VKORC1L1: variants seen among roughly 807,000 people sequenced by gnomAD.
The protein encoded by VKORC1L1 is vitamin K epoxide reductase complex subunit 1-like protein 1.
VKORC1L1 carries 2 observed loss-of-function variants against 18.9 expected under a neutral mutation model. The observed-to-expected ratio is 0.11, with a 90% CI of 0.04 to 0.33. VKORC1L1 has a LOEUF of 0.33. Ranked by LOEUF, VKORC1L1 falls within the 10% of genes least tolerant of loss-of-function variation. The pLI is 1.00. For missense variants in VKORC1L1, 123 were observed against 224.1 expected (o/e 0.55, Z 2.88); for synonymous variants, 96 against 100.0 (o/e 0.96, Z 0.24).
chr7:65,958,801 G>A lies in VKORC1L1; in HGVS notation c.*4501G>A, dbSNP rs1250244441. On this transcript the variant is annotated 3_prime_UTR_variant, in exon 3 of 3. Coordinates refer to ENST00000360768, the MANE Select transcript of VKORC1L1 (RefSeq NM_173517.6). The stretch of plus-strand genomic sequence containing the variant: ...ATTGTCAAGAATTAATGACAAAAAT[G>A]TGTCACTGCCTACAGTTCTGTGAAC... The A allele has an allele frequency of 6.6e-6, 1 of 152,010 alleles. No individual in the cohort carries two copies. The highest frequency in any genetic ancestry group is 1.5e-5 in the Non-Finnish European group (1 of 67,922). 9.4% of individuals were successfully genotyped at this position (152,010 alleles called of 1,614,324 possible).
chr7:65,868,067 A>G, the VKORC1L1 span, among the ~76,000 whole-genome samples: 2 of 152,082 alleles, frequency 1.3e-5, no homozygotes, highest in Non-Finnish European at 2.9e-5. Context: ...GGCTGGTCTC[A>G]AACTCCTGAC....
chr7:65,941,557 A>G (rs1790033079), intron 1 of VKORC1L1, among the ~76,000 whole-genome samples: 1 of 152,022 alleles, frequency 6.6e-6, no homozygotes, highest in Non-Finnish European at 1.5e-5. Flanking sequence ...TGTTAATATA[A>G]TATTTTTTAG....
At chr7:65,868,194 AC>A (rs1788685868), upstream of VKORC1L1, among the ~76,000 whole-genome samples, 1 of 152,116 alleles carries the variant, frequency 6.6e-6, no homozygotes, top group Admixed American at 6.6e-5. Flanking sequence ...GATGGCTCGC[AC>A]CTGTAACCTT....
At chr7:65,902,530 C>G (rs1789335483) in intron 1 of VKORC1L1, among the ~76,000 whole-genome samples, 1 of 151,828 alleles carries the variant, frequency 6.6e-6, no homozygotes, top group Admixed American at 6.6e-5. Flanking sequence ...AATAGTCTAA[C>G]ATATGTGTAA....
At chr7:65,908,026 ACACAGAGGC>A (rs1196690034) in intron 1 of VKORC1L1, among the ~76,000 whole-genome samples, 2 of 152,214 alleles carry the variant, frequency 1.3e-5, no homozygotes, top group African/African-American at 4.8e-5. Flanking sequence ...CTCCTTTGAT[ACACAGAGGC>A]CACAACTGCT....
At chr7:65,904,492 AC>A (rs1212793043) in intron 1 of VKORC1L1, among the ~76,000 whole-genome samples, 1 of 152,186 alleles carries the variant, frequency 6.6e-6, no homozygotes, top group Non-Finnish European at 1.5e-5. Flanking sequence ...GGCGTGAGCT[AC>A]CGTGCCTGGC....
intron 1 of VKORC1L1, among the ~76,000 whole-genome samples, chr7:65,924,459 C>T (rs1379655166): frequency 6.6e-6 from 1 of 152,204 alleles, no homozygotes. Context: ...ATACTTTAGG[C>T]TTCACGGGCC....
chr7:65,950,257 T>G (rs981702084), intron 2 of VKORC1L1, among the ~76,000 whole-genome samples: 11 of 152,230 alleles, frequency 7.2e-5, no homozygotes, highest in Non-Finnish European at 4.4e-5. Context: ...TACAAACATT[T>G]TATGCATTCT....
At chr7:65,934,425 C>T (rs932056264) in intron 1 of VKORC1L1, among the ~76,000 whole-genome samples, 2 of 152,088 alleles carry the variant, frequency 1.3e-5, no homozygotes, top group Admixed American at 6.6e-5. Flanking sequence ...TTTTGAAATG[C>T]AGAACACACT....
chr7:65,890,794 G>A (rs996029171), intron 1 of VKORC1L1, among the ~76,000 whole-genome samples: 1 of 152,150 alleles, frequency 6.6e-6, no homozygotes, highest in Non-Finnish European at 1.5e-5. Flanking sequence ...TAACCATTCT[G>A]GTAGGTACAT....
chr7:65,894,685 A>C lies in VKORC1L1; in HGVS notation c.194+21120A>C, dbSNP rs561197664. Reference sequence around the variant, plus strand: ...GGAGGTTGCAGTGAGCCGAGATCGCACCACTGCACTCCAGCCTGGGCGACA... The same window carrying C: ...GGAGGTTGCAGTGAGCCGAGATCGCCCCACTGCACTCCAGCCTGGGCGACA... On this transcript the variant is annotated intron_variant, in intron 1 of 2. Coordinates refer to ENST00000360768, the MANE Select transcript of VKORC1L1 (RefSeq NM_173517.6). Among the ~76,000 whole-genome samples the C allele has an allele frequency of 5.3e-5, 8 of 152,260 alleles. No individual in the cohort carries two copies. In the South Asian group the frequency reaches 1.7e-3, roughly 32 times the overall value.
chr7:65,921,562 T>A (rs1051073412), intron 1 of VKORC1L1, among the ~76,000 whole-genome samples: 4 of 152,022 alleles, frequency 2.6e-5, no homozygotes, highest in Non-Finnish European at 4.4e-5. Flanking sequence ...ATTAAAAAAA[T>A]TTTTGGCCGG....
chr7:65,890,212 C>A (rs1470204763), intron 1 of VKORC1L1, among the ~76,000 whole-genome samples: 1 of 149,574 alleles, frequency 6.7e-6, no homozygotes, highest in African/African-American at 2.5e-5. Flanking sequence ...CTTACTGCAG[C>A]CTCCACCTCC....
At chr7:65,929,730 AT>A (rs1179793267) in intron 1 of VKORC1L1, among the ~76,000 whole-genome samples, 3 of 134,188 alleles carry the variant, frequency 2.2e-5, no homozygotes, top group Middle Eastern at 4.0e-3. Flanking sequence ...ACTTTTAAAA[AT>A]TTTTTTTTGT....
intron 1 of VKORC1L1, among the ~76,000 whole-genome samples, chr7:65,915,793 T>C (rs1359998834): frequency 6.6e-6 from 1 of 152,086 alleles, no homozygotes; most frequent in Non-Finnish European, 1.5e-5. Context: ...TCATTCATTC[T>C]TCATGTGTTA....
rs981835178 is a variant in VKORC1L1, at chr7:65,959,298, C to T, written c.*4998C>T. 7 of 152,002 alleles carry T rather than the reference C, an allele frequency of 4.6e-5. No homozygotes were observed. Among genetic ancestry groups the T allele is most frequent in the African/African-American group, 1.7e-4 (7 of 41,384 alleles). 9.4% of individuals were successfully genotyped at this position (152,002 alleles called of 1,614,324 possible). The stretch of plus-strand genomic sequence containing the variant: ...GCAGCCTAGGCGACAGAGGAAGACT[C>T]CAGCTCAAGAAAAAAAACAATGGAC... On this transcript the variant is annotated 3_prime_UTR_variant, in exon 3 of 3. Transcript: ENST00000360768.
At chr7:65,886,839 G>GGTTTTTTTTTTT (rs1237860894) in intron 1 of VKORC1L1, among the ~76,000 whole-genome samples, 1 of 58,604 alleles carries the variant, frequency 1.7e-5, no homozygotes. Context: ...GCCTGTCCGA[G>GGTTTTTTTTTTT]TTTTTTTTTT....
chr7:65,880,765 T>C (rs895975777), intron 1 of VKORC1L1, among the ~76,000 whole-genome samples: 22 of 152,306 alleles, frequency 1.4e-4, no homozygotes, highest in African/African-American at 5.1e-4. Flanking sequence ...ATGTAACATA[T>C]TCAACTGGGT....
rs35196492 is a variant in VKORC1L1 at position 65,891,099 on chromosome 7, AT to A, written c.194+17552del. Among the ~76,000 whole-genome samples, 653 of 128,286 alleles carry A rather than the reference AT, an allele frequency of 5.1e-3. 2 individuals carry two copies. The highest frequency in any genetic ancestry group is 0.013 in the African/African-American group (431 of 33,802). The allele number at this position is 128,286 out of a possible 152,430, so 84.2% of individuals were successfully genotyped here. On this transcript the variant is annotated intron_variant, in intron 1 of 2. Transcript: ENST00000360768. The stretch of plus-strand genomic sequence containing the variant: ...TGTCTGGCTTCTTTTGCCCAGCATA[AT>A]TTTTTTTTTTTTTTTTTGCAATTTA...
Sources: gnomAD v4.1 joint callset for allele counts (sites outside exome capture counted in the v4.1 genomes callset) on GRCh38, gnomAD v4.1.1 for gene constraint, MANE v1.5 for transcripts, NCBI Gene and HGNC (gene_info 2026-07-23, HGNC 2026-07-21) for gene names.